Variants in BNC2 observed in about 807,000 individuals in gnomAD.
BNC2 encodes zinc finger protein basonuclin-2.
In BNC2, 20 loss-of-function variants were observed where a neutral mutation model predicts 76.3. The observed-to-expected ratio is 0.26, with a 90% CI of 0.18 to 0.38. The LOEUF (loss-of-function observed/expected upper bound fraction) is 0.38, where lower values mean the gene tolerates loss of function less well. Among genes scored for constraint, BNC2 ranks in the 10% least tolerant of loss-of-function variants. The pLI, the probability that BNC2 is intolerant of heterozygous loss-of-function variation, is 1.00. For missense variants in BNC2, 1,382 were observed against 1,399.8 expected (o/e 0.99, Z 0.20); for synonymous variants, 582 against 514.8 (o/e 1.13, Z -1.77).
chr9:16,787,177 A>G (rs745389964), intron 1 of BNC2, among the ~76,000 whole-genome samples: 1 of 152,160 alleles, frequency 6.6e-6, no homozygotes, highest in East Asian at 1.9e-4. Flanking sequence ...CAAGCAACCA[A>G]GACAAAGGTA....
intron 5 of BNC2, among the ~76,000 whole-genome samples, chr9:16,461,479 T>C (rs1362122990): frequency 6.6e-6 from 1 of 152,164 alleles, no homozygotes; most frequent in East Asian, 1.9e-4. Flanking sequence ...TTGTAAATAT[T>C]TTATTAATCC....
intron 3 of BNC2, among the ~76,000 whole-genome samples, chr9:16,619,073 G>A (rs1820791183): frequency 6.6e-6 from 1 of 152,020 alleles, no homozygotes; most frequent in Admixed American, 6.6e-5. Context: ...AGAATCTAAG[G>A]GCTCTCTATC....
At chr9:16,462,346 T>C (rs1010799663) in intron 5 of BNC2, among the ~76,000 whole-genome samples, 1 of 152,210 alleles carries the variant, frequency 6.6e-6, no homozygotes. Context: ...TCTCCTGAGA[T>C]TCTGCCCCCA....
At chr9:16,733,800 C>A (rs557288350) in intron 2 of BNC2, among the ~76,000 whole-genome samples, 3 of 151,886 alleles carry the variant, frequency 2.0e-5, no homozygotes, top group Non-Finnish European at 4.4e-5. Flanking sequence ...AAAAGAATCG[C>A]TTGAACTTGG....
intron 5 of BNC2, among the ~76,000 whole-genome samples, chr9:16,524,153 C>CA (rs1817718672): frequency 6.6e-6 from 1 of 152,058 alleles, no homozygotes; most frequent in Non-Finnish European, 1.5e-5. Flanking sequence ...ATAATAAAGA[C>CA]AAAAAAGTTA....
At chr9:16,737,854 G>C (rs1035965934) in intron 2 of BNC2, among the ~76,000 whole-genome samples, 1 of 151,984 alleles carries the variant, frequency 6.6e-6, no homozygotes, top group Non-Finnish European at 1.5e-5. Flanking sequence ...GACACTTTTG[G>C]GGTTCAGGTA....
At chr9:16,745,649 G>C (rs1388994811) in intron 1 of BNC2, among the ~76,000 whole-genome samples, 1 of 152,108 alleles carries the variant, frequency 6.6e-6, no homozygotes, top group Non-Finnish European at 1.5e-5. Flanking sequence ...ACACATAAAT[G>C]AAAGTCATAT....
At chr9:16,609,983 TAAG>T (rs1453994892) in intron 3 of BNC2, among the ~76,000 whole-genome samples, 3 of 152,142 alleles carry the variant, frequency 2.0e-5, no homozygotes, top group Non-Finnish European at 4.4e-5. Context: ...CACAAGCTCT[TAAG>T]AAGGCAAATC....
intron 2 of BNC2, among the ~76,000 whole-genome samples, chr9:16,732,162 A>AAAAAAAAAAAAAAAAAAAAAAAAAG: frequency 8.1e-6 from 1 of 123,558 alleles, no homozygotes; most frequent in Middle Eastern, 4.1e-3. Context: ...TCCTGCAAAA[A>AAAAAAAAAAAAAAAAAAAAAAAAAG]AAAAAGAAAA....
chr9:16,732,813 A>G (rs1231353364), intron 2 of BNC2, among the ~76,000 whole-genome samples: 1 of 152,224 alleles, frequency 6.6e-6, no homozygotes, highest in African/African-American at 2.4e-5. Flanking sequence ...GACGCTCCAC[A>G]TCGCATGACA....
At chr9:16,705,217 C>G (rs768072392) in intron 3 of BNC2, 15 of 147,252 alleles carry the variant, frequency 1.0e-4, no homozygotes, top group Non-Finnish European at 1.9e-4. Flanking sequence ...ATTCATGCGA[C>G]TTGGAATTTT....
In BNC2 at chr9:16,552,910, T is replaced by C. The variant is rs1049051808; in HGVS notation, c.434-145A>G. 1.5e-5 allele frequency: 10 copies of C among 666,156 alleles called. No homozygotes were observed. The Admixed American group carries it at 1.8e-4, about 12-fold the overall frequency. 41.3% of individuals were successfully genotyped at this position (666,156 alleles called of 1,614,324 possible). A position where few individuals can be genotyped will look rare whatever the true frequency, so the allele number is the denominator to read the frequency against. On this transcript the variant is annotated intron_variant, in intron 4 of 6. Coordinates refer to ENST00000380672, the MANE Select transcript of BNC2 (RefSeq NM_017637.6). ...CGCCATAGGTGTTTAAGCAAGATCT[T>C]GCAAAGAAAATAGTTCTCTGACACC... is the stretch of plus-strand genomic sequence containing the variant.
At chr9:16,754,419 T>G (rs919313950) in intron 1 of BNC2, among the ~76,000 whole-genome samples, 1 of 152,170 alleles carries the variant, frequency 6.6e-6, no homozygotes, top group Admixed American at 6.5e-5. Flanking sequence ...AACTGACCTG[T>G]CCGATATAAT....
At chr9:16,793,993 C>T (rs1036589175) in intron 1 of BNC2, among the ~76,000 whole-genome samples, 5 of 151,618 alleles carry the variant, frequency 3.3e-5, no homozygotes, top group East Asian at 3.9e-4. Flanking sequence ...TGAGCCACCG[C>T]GCCGGGCCTT....
At chr9:16,640,954 C>G (rs538095425) in intron 3 of BNC2, among the ~76,000 whole-genome samples, 27 of 152,230 alleles carry the variant, frequency 1.8e-4, no homozygotes, top group African/African-American at 6.3e-4. Context: ...GTTCACAGCT[C>G]TAGAAAGAGT....
chr9:16,850,895 T>C (rs1398497585), intron 1 of BNC2, among the ~76,000 whole-genome samples: 1 of 151,818 alleles, frequency 6.6e-6, no homozygotes, highest in Non-Finnish European at 1.5e-5. Context: ...ATTCAGAAAA[T>C]CAAAGCTTAT....
At position 16,812,947 on chromosome 9, in the gene BNC2, G is replaced by A. The variant is rs1011935154; in HGVS notation, c.3+57699C>T. ...TTCCTGGCCGGGCGCGGTGGCTCACGTCTGTAATCCCAGCACTTTAGGAGG... is the reference window on the plus strand; with the variant it reads ...TTCCTGGCCGGGCGCGGTGGCTCACATCTGTAATCCCAGCACTTTAGGAGG... On this transcript the variant is annotated intron_variant, in intron 1 of 6. Coordinates refer to ENST00000380672, the MANE Select transcript of BNC2 (RefSeq NM_017637.6). Among the ~76,000 whole-genome samples the A allele has an allele frequency of 2.0e-5, 3 of 152,228 alleles. No individual in the cohort carries two copies. The South Asian group carries it at 6.2e-4, about 32-fold the overall frequency.
chr9:16,606,914 C>A (rs904901171), intron 3 of BNC2, among the ~76,000 whole-genome samples: 1 of 152,094 alleles, frequency 6.6e-6, no homozygotes, highest in Non-Finnish European at 1.5e-5. Flanking sequence ...CTTTGGCCTG[C>A]GGCCATCCAC....
chr9:16,622,499 A>G (rs1449993404), intron 3 of BNC2, among the ~76,000 whole-genome samples: 2 of 152,194 alleles, frequency 1.3e-5, no homozygotes, highest in Non-Finnish European at 2.9e-5. Context: ...CAAGCTCACT[A>G]TCACAGGTAC....
Sources: allele counts gnomAD v4.1 joint callset (sites outside exome capture counted in the v4.1 genomes callset), GRCh38; gene constraint gnomAD v4.1.1; transcripts MANE v1.5; gene names NCBI Gene and HGNC (gene_info 2026-07-23, HGNC 2026-07-21).